The following PDXDC1 variants were observed in gnomAD, a reference collection of about 807,000 sequenced individuals.
PDXDC1 encodes pyridoxal-dependent decarboxylase domain-containing protein 1.
A neutral mutation model predicts 100.1 loss-of-function variants in PDXDC1; 42 were observed. The ratio of observed to expected loss-of-function variants is 0.42; its 90% CI spans 0.33 to 0.54. The LOEUF (loss-of-function observed/expected upper bound fraction) is 0.54, where lower values mean the gene tolerates loss of function less well. Ranked by LOEUF, PDXDC1 falls within the 20% of genes least tolerant of loss-of-function variation. The pLI, the probability that PDXDC1 is intolerant of heterozygous loss-of-function variation, is 0.10. For missense variants in PDXDC1, 636 were observed against 979.2 expected (o/e 0.65, Z 4.68); for synonymous variants, 260 against 371.7 (o/e 0.70, Z 3.46).
intron 8 of PDXDC1, among the ~76,000 whole-genome samples, chr16:15,015,007 G>A (rs568442440): frequency 4.7e-4 from 72 of 152,348 alleles, no homozygotes; most frequent in African/African-American, 1.6e-3. Flanking sequence ...GCACGATCTC[G>A]GCTCACTACA....
intron 1 of PDXDC1, among the ~76,000 whole-genome samples, chr16:14,979,448 C>A (rs1210379410): frequency 6.6e-6 from 1 of 152,288 alleles, no homozygotes; most frequent in African/African-American, 2.4e-5. Flanking sequence ...CACCACCACA[C>A]CTGGCTAATT....
chr16:15,006,058 C>T (rs1974184187), intron 5 of PDXDC1, among the ~76,000 whole-genome samples: 1 of 152,296 alleles, frequency 6.6e-6, no homozygotes, highest in Non-Finnish European at 1.5e-5. Context: ...ATGAACTATG[C>T]CTGTGTTATC....
At chr16:15,131,624 C>T in intron 16 of PDXDC1, 1 of 1,596,082 alleles carries the variant, frequency 6.3e-7, no homozygotes, top group East Asian at 2.3e-5. Flanking sequence ...GCCTGGGACG[C>T]CACCATCCGC....
At chr16:15,006,689 GA>G in intron 6 of PDXDC1, 106 bp downstream of exon 6, 1 of 1,129,784 alleles carries the variant, frequency 8.9e-7, no homozygotes, top group Non-Finnish European at 1.2e-6. Context: ...TGAGTGAAAA[GA>G]AAGATGGTCT....
intron 16 of PDXDC1, among the ~76,000 whole-genome samples, chr16:15,132,269 C>T (rs1410145113): frequency 5.3e-5 from 1 of 18,932 alleles, no homozygotes; most frequent in South Asian, 2.6e-3. Flanking sequence ...AGGGGCTCAG[C>T]GGGAGGAAGT....
chr16:15,125,507 C>A (rs1398376619), intron 16 of PDXDC1: 5 of 1,425,620 alleles, frequency 3.5e-6, no homozygotes, highest in Non-Finnish European at 4.9e-6. Context: ...ACTCCAGACA[C>A]AGTGACCTGC....
chr16:15,126,202 T>C (rs549586862), intron 16 of PDXDC1, among the ~76,000 whole-genome samples: 4 of 150,726 alleles, frequency 2.7e-5, no homozygotes, highest in African/African-American at 7.3e-5. Context: ...GCCCAGCTGA[T>C]TTTTTGTATT....
chr16:15,086,129 G>A lies in PDXDC1; in HGVS notation c.1400-52750G>A, dbSNP rs369491262. The A allele has an allele frequency of 1.9e-5, 31 of 1,605,084 alleles. No individual in the cohort carries two copies. The African/African-American group carries it at 2.3e-4, about 12-fold the overall frequency. ...AATAAAATTCCAAGCAATGACTTAC[G>A]AGGCACAAAATGGGAAGCAATCATG... On this transcript the variant is annotated intron_variant, in intron 16 of 16. Coordinates refer to the PDXDC1 transcript ENST00000535621.
chr16:15,041,099 GT>G, downstream of PDXDC1: 2 of 1,592,820 alleles, frequency 1.3e-6, no homozygotes, highest in Non-Finnish European at 1.7e-6. Context: ...AGTGGTTTTC[GT>G]TTTCTTCCCG....
At chr16:15,125,484 G>A (rs1206466592) in intron 16 of PDXDC1, 52 of 1,128,376 alleles carry the variant, frequency 4.6e-5, no homozygotes, top group Middle Eastern at 5.7e-4. Flanking sequence ...CACGCAGCCC[G>A]CACACCCCCG....
At chr16:15,045,855 C>T (rs1712894303) in intron 16 of PDXDC1, 4 of 152,242 alleles carry the variant, frequency 2.6e-5, no homozygotes, top group Non-Finnish European at 2.9e-5. Context: ...GACACAAAAT[C>T]TTCCTAAGGG....
At chr16:15,145,599 A>G in the PDXDC1 span, among the ~76,000 whole-genome samples, 1 of 152,236 alleles carries the variant, frequency 6.6e-6, no homozygotes, top group Non-Finnish European at 1.5e-5. Flanking sequence ...TGCAGGGAGA[A>G]AAGGACCCAG....
chr16:15,140,796 G>C (rs2048460792), downstream of PDXDC1, among the ~76,000 whole-genome samples: 1 of 151,982 alleles, frequency 6.6e-6, no homozygotes, highest in South Asian at 2.1e-4. Flanking sequence ...CACCCCTCCT[G>C]GTCCCACGCA....
chr16:15,035,522 C>G lies in PDXDC1; in HGVS notation c.2076C>G (p.Pro692=), dbSNP rs755039030. The change falls in exon 22 of 23, where the codon CCC becomes CCG. Residue 692 remains proline, a synonymous_variant. Transcript: ENST00000396410. ...QGAGVTLPPT[P]SGSRTKQRLP... ...CAGGAGTCACGCTGCCTCCAACGCC[C>G]TCGGGCAGTCGCACCAAGCAGAGGC... 1.2e-6 allele frequency: 2 copies of G among 1,612,072 alleles called. No homozygotes were observed. The highest frequency in any genetic ancestry group is 1.7e-6 in the Non-Finnish European group (2 of 1,179,180).
chr16:15,044,597 C>G, intron 16 of PDXDC1: 1 of 596,486 alleles, frequency 1.7e-6, no homozygotes. Context: ...TTCTGGGGAC[C>G]CTGCCCAGGG....
intron 8 of PDXDC1, among the ~76,000 whole-genome samples, chr16:15,011,573 A>AT (rs1437921899): frequency 6.6e-6 from 1 of 152,128 alleles, no homozygotes; most frequent in African/African-American, 2.4e-5. Flanking sequence ...GAAAGCCCCT[A>AT]TTAAGAAGAT....
At chr16:15,142,036 G>C (rs1484667011), downstream of PDXDC1, among the ~76,000 whole-genome samples, 2 of 152,216 alleles carry the variant, frequency 1.3e-5, no homozygotes, top group African/African-American at 4.8e-5. Context: ...CCCTGGAAGG[G>C]ACACAGCTGT....
rs1054993555 is a variant in PDXDC1 at position 15,032,963 on chromosome 16, C to A, written c.1674C>A (p.Asp558Glu). The stretch of plus-strand genomic sequence containing the variant: ...AGAAGTTAAATGAACTGGAATCTGA[C>A]CTAACCTTTAAAATAGGTAACTGCT... ...LLKKLNELES[D>E]LTFKIGPEYK... Residue 558 changes from aspartate to glutamate, a missense_variant, in exon 18 of 23, where the codon GAC becomes GAA. Transcript: ENST00000396410. 1.3e-6 allele frequency: 2 copies of A among 1,588,790 alleles called. No individual in the cohort carries two copies. Among genetic ancestry groups the A allele is most frequent in the Admixed American group, 3.3e-5 (2 of 59,982 alleles).
rs549694539 is a variant in PDXDC1, at chr16:15,135,576, A to G, written c.1400-3303A>G. The G allele has an allele frequency of 1.6e-4, 196 of 1,218,442 alleles. 1 individual carries two copies. The highest frequency in any genetic ancestry group is 9.2e-4 in the South Asian group (71 of 77,270). The allele number at this position is 1,218,442 out of a possible 1,614,324, so 75.5% of individuals were successfully genotyped here. A position where few individuals can be genotyped will look rare whatever the true frequency, so the allele number is the denominator to read the frequency against. ...CTGAGGACGGGCCAGCCCTGGTGGC[A>G]AGCTGGGTGTTCTCTGGGCTCATGG... is the stretch of plus-strand genomic sequence containing the variant. On this transcript the variant is annotated intron_variant, in intron 16 of 16. Coordinates refer to the PDXDC1 transcript ENST00000535621.
Sources: gnomAD v4.1 joint callset for allele counts (sites outside exome capture counted in the v4.1 genomes callset) on GRCh38, gnomAD v4.1.1 for gene constraint, MANE v1.5 for transcripts, NCBI Gene and HGNC (gene_info 2026-07-23, HGNC 2026-07-21) for gene names.